Variants in CRACD observed in about 807,000 individuals in gnomAD.
The protein encoded by CRACD is capping protein inhibiting regulator of actin dynamics, also known as capping protein-inhibiting regulator of actin dynamics.
CRACD carries 56 observed loss-of-function variants against 106.8 expected under a neutral mutation model. That is an observed-to-expected ratio of 0.52 (90% confidence interval 0.42 to 0.66). The LOEUF (loss-of-function observed/expected upper bound fraction) is 0.66. Among genes scored for constraint, CRACD ranks in the 30% least tolerant of loss-of-function variants. CRACD has a pLI of 0.00. For synonymous variants in CRACD, 754 were observed against 670.8 expected (o/e 1.12, Z -1.92); for missense variants, 1,730 against 1,623.2 (o/e 1.07, Z -1.13).
At chr4:56,303,838 G>T (rs146463505) in intron 4 of CRACD, among the ~76,000 whole-genome samples, 6 of 152,310 alleles carry the variant, frequency 3.9e-5, no homozygotes, top group Non-Finnish European at 8.8e-5. Context: ...CGAGGACAGT[G>T]CTTCGTCTGG....
chr4:56,283,865 T>C (rs571535549), intron 3 of CRACD, among the ~76,000 whole-genome samples: 106 of 152,130 alleles, frequency 7.0e-4, no homozygotes, highest in Non-Finnish European at 1.5e-3. Flanking sequence ...GAAAACTAGG[T>C]GTGAGAGAGA....
In CRACD at chr4:56,314,027, T is replaced by C. The variant is rs779776735; in HGVS notation, c.538-13T>C. ...AAGCAAAAGGCTAATTGTGTTTTCC[T>C]TTCCAATGTTAGGATCCACAACATG... is the stretch of plus-strand genomic sequence containing the variant. On this transcript the variant is annotated splice_polypyrimidine_tract_variant and intron_variant, in intron 7 of 10. Transcript: ENST00000682029. This position sits in a 1 kb window ranked among gnomAD's most constrained non-coding sequence, Gnocchi z 4.4. 1.2e-6 allele frequency: 2 copies of C among 1,607,830 alleles called. No homozygotes were observed. The highest frequency in any genetic ancestry group is 8.5e-7 in the Non-Finnish European group (1 of 1,176,784).
intron 2 of CRACD, among the ~76,000 whole-genome samples, chr4:56,224,995 G>A (rs1267285605): frequency 1.3e-5 from 2 of 152,180 alleles, no homozygotes; most frequent in African/African-American, 4.8e-5. Flanking sequence ...GTGCCCTTCA[G>A]TGTCCACCTG....
intron 3 of CRACD, among the ~76,000 whole-genome samples, chr4:56,294,731 T>C (rs1743890125): frequency 6.6e-6 from 1 of 151,886 alleles, no homozygotes; most frequent in South Asian, 2.1e-4. Context: ...CTGGCCAACA[T>C]GGCAAAACCC....
At chr4:56,084,825 T>C (rs1240212042) in intron 1 of CRACD, among the ~76,000 whole-genome samples, 3 of 152,210 alleles carry the variant, frequency 2.0e-5, no homozygotes, top group East Asian at 1.9e-4. Context: ...CTGGGGTTAT[T>C]ACCATTTGGA....
At chr4:56,207,433 G>A (rs1351665201) in intron 2 of CRACD, among the ~76,000 whole-genome samples, 1 of 152,142 alleles carries the variant, frequency 6.6e-6, no homozygotes, top group Admixed American at 6.5e-5. Flanking sequence ...TCCTGGCAAT[G>A]TTCTCTTTAA....
intron 1 of CRACD, among the ~76,000 whole-genome samples, chr4:56,089,697 A>G (rs1733352816): frequency 6.6e-6 from 1 of 151,780 alleles, no homozygotes; most frequent in Non-Finnish European, 1.5e-5. Flanking sequence ...ATTTTTTAGT[A>G]GAGGCGGGAT....
At chr4:56,249,608 T>G (rs1740928311) in intron 2 of CRACD, among the ~76,000 whole-genome samples, 1 of 152,202 alleles carries the variant, frequency 6.6e-6, no homozygotes, top group African/African-American at 2.4e-5. Flanking sequence ...GCACCTGCCT[T>G]GGCAGTTATC....
chr4:56,246,176 G>A (rs1350563668), intron 2 of CRACD, among the ~76,000 whole-genome samples: 1 of 152,162 alleles, frequency 6.6e-6, no homozygotes, highest in Non-Finnish European at 1.5e-5. Flanking sequence ...TGAGGGAAGA[G>A]ACACTTCCTT....
intron 4 of CRACD, among the ~76,000 whole-genome samples, chr4:56,299,980 T>C (rs2109726602): frequency 6.6e-6 from 1 of 151,314 alleles, no homozygotes; most frequent in African/African-American, 2.4e-5. Flanking sequence ...CTACTAAAAA[T>C]ACAAAAAATT....
intron 3 of CRACD, among the ~76,000 whole-genome samples, chr4:56,277,052 A>G (rs1018106496): frequency 6.6e-6 from 1 of 152,230 alleles, no homozygotes; most frequent in African/African-American, 2.4e-5. Context: ...GAGGGAAGGC[A>G]TGAACCTGTC....
In CRACD at chr4:56,314,863, A is replaced by C. The variant is rs760021588; in HGVS notation, c.1361A>C (p.Gln454Pro). Reference protein sequence around the residue: ...HSEEPGICEEQNPEAERRREQ... With the variant: ...HSEEPGICEEPNPEAERRREQ... Reference sequence around the variant, plus strand: ...GAGGAGCCAGGTATTTGCGAGGAGCAGAACCCAGAGGCCGAGCGGCGAAGA... The same window carrying C: ...GAGGAGCCAGGTATTTGCGAGGAGCCGAACCCAGAGGCCGAGCGGCGAAGA... The change falls in exon 8 of 11, where the codon CAG (glutamine) becomes CCG (proline). Residue 454 changes from glutamine to proline, a missense_variant. Transcript: ENST00000682029. This position sits in a 1 kb window ranked among gnomAD's most constrained non-coding sequence, Gnocchi z 4.4. 1.1e-5 allele frequency: 17 copies of C among 1,612,134 alleles called. No homozygotes were observed. The highest frequency in any genetic ancestry group is 2.2e-5 in the East Asian group (1 of 44,808).
chr4:56,309,980 C>T (rs1183734365), intron 5 of CRACD, among the ~76,000 whole-genome samples: 5 of 149,818 alleles, frequency 3.3e-5, no homozygotes, highest in African/African-American at 1.2e-4. Flanking sequence ...GACTGTACAG[C>T]TGTACTCCAG....
chr4:56,091,958 G>C (rs536170242), intron 1 of CRACD, among the ~76,000 whole-genome samples: 9 of 152,160 alleles, frequency 5.9e-5, no homozygotes, highest in Non-Finnish European at 7.3e-5. Context: ...TGACACGGGA[G>C]ACTCGCTTGA....
chr4:56,306,902 A>C (rs553412234), intron 4 of CRACD, among the ~76,000 whole-genome samples: 1 of 152,104 alleles, frequency 6.6e-6, no homozygotes, highest in Non-Finnish European at 1.5e-5. Flanking sequence ...TATCCTTTAT[A>C]GGGTTTTAGT....
At chr4:56,195,979 T>G (rs1002648574) in intron 2 of CRACD, among the ~76,000 whole-genome samples, 1 of 152,200 alleles carries the variant, frequency 6.6e-6, no homozygotes, top group African/African-American at 2.4e-5. Context: ...AGTATAAACA[T>G]TGCCTCTGTT....
At chr4:56,193,303 A>G (rs941841204) in intron 2 of CRACD, among the ~76,000 whole-genome samples, 4 of 152,152 alleles carry the variant, frequency 2.6e-5, no homozygotes, top group Non-Finnish European at 4.4e-5. Context: ...ATTACAATTC[A>G]AGGTGAAATT....
intron 1 of CRACD, among the ~76,000 whole-genome samples, chr4:56,159,017 C>A (rs1468350161): frequency 2.6e-5 from 4 of 152,190 alleles, no homozygotes; most frequent in Non-Finnish European, 5.9e-5. Flanking sequence ...CTGTCCCATG[C>A]CAGAGTGGTT....
intron 8 of CRACD, among the ~76,000 whole-genome samples, chr4:56,322,482 G>A (rs907798481): frequency 6.6e-6 from 1 of 152,162 alleles, no homozygotes; most frequent in African/African-American, 2.4e-5. Flanking sequence ...GAAGTCAGAA[G>A]GCCTATGTTC....
Sources: allele counts gnomAD v4.1 joint callset (sites outside exome capture counted in the v4.1 genomes callset), GRCh38; gene constraint gnomAD v4.1.1; non-coding constraint Gnocchi (gnomAD v3.1); transcripts MANE v1.5; gene names NCBI Gene and HGNC (gene_info 2026-07-23, HGNC 2026-07-21).